Variants in SGCZ observed in about 807,000 individuals in gnomAD.
SGCZ encodes the protein zeta-sarcoglycan.
A neutral mutation model predicts 41.3 loss-of-function variants in SGCZ; 40 were observed. That is an observed-to-expected ratio of 0.97 (90% CI 0.75 to 1.26). SGCZ has a LOEUF of 1.26. SGCZ is among the 50% of genes most tolerant of loss of function. The pLI, the probability that SGCZ is intolerant of heterozygous loss-of-function variation, is 0.00. For missense variants in SGCZ, 552 were observed against 369.8 expected (o/e 1.49, Z -4.04); for synonymous variants, 206 against 137.5 (o/e 1.50, Z -3.49).
intron 1 of SGCZ, among the ~76,000 whole-genome samples, chr8:14,924,567 T>A (rs1799687415): frequency 6.6e-6 from 1 of 152,110 alleles, no homozygotes; most frequent in South Asian, 2.1e-4. Flanking sequence ...CCTATTTACA[T>A]CAGAAGCTTA....
chr8:14,420,742 T>C (rs1423020019), intron 2 of SGCZ, among the ~76,000 whole-genome samples: 1 of 152,148 alleles, frequency 6.6e-6, no homozygotes, highest in Non-Finnish European at 1.5e-5. Flanking sequence ...CCCAGGTTCC[T>C]AGTTGAGTAT....
chr8:14,832,137 A>T lies in SGCZ; in HGVS notation c.40-277211T>A, dbSNP rs137963573. Among the ~76,000 whole-genome samples the T allele has an allele frequency of 3.5e-3, 535 of 152,296 alleles. 5 individuals are homozygous for T. The highest frequency in any genetic ancestry group is 0.012 in the African/African-American group (513 of 41,570). On this transcript the variant is annotated intron_variant, in intron 1 of 7. Transcript: ENST00000382080. ...TCTTAAGTCACTATTGAAGTGCATA[A>T]TAATTTCCCTTTTTAAGGCATTTGC...
intron 1 of SGCZ, among the ~76,000 whole-genome samples, chr8:15,117,373 T>C (rs957240348): frequency 6.6e-6 from 1 of 151,528 alleles, no homozygotes; most frequent in African/African-American, 2.4e-5. Flanking sequence ...AAAAAAAAAG[T>C]ATAAATGTAT....
intron 1 of SGCZ, among the ~76,000 whole-genome samples, chr8:15,111,921 C>G (rs1473640533): frequency 6.6e-6 from 1 of 151,702 alleles, no homozygotes; most frequent in Non-Finnish European, 1.5e-5. Flanking sequence ...AAAAATCCCT[C>G]CTTTCAGTGT....
chr8:14,166,915 C>T (rs1307546999), intron 4 of SGCZ, among the ~76,000 whole-genome samples: 2 of 151,668 alleles, frequency 1.3e-5, no homozygotes, highest in African/African-American at 4.8e-5. Context: ...GCATCTAAGC[C>T]ATAAATAAAT....
intron 1 of SGCZ, among the ~76,000 whole-genome samples, chr8:15,148,392 T>C (rs765736964): frequency 6.6e-6 from 1 of 152,166 alleles, no homozygotes; most frequent in Non-Finnish European, 1.5e-5. Context: ...TGATTTTTGC[T>C]CATTTGCTGC....
intron 1 of SGCZ, among the ~76,000 whole-genome samples, chr8:14,931,625 T>A (rs1436768097): frequency 1.3e-5 from 2 of 152,144 alleles, no homozygotes; most frequent in Middle Eastern, 3.4e-3. Flanking sequence ...ATTTAGATAA[T>A]TTTCAGATAT....
chr8:15,097,180 C>T (rs1390076839), intron 1 of SGCZ, among the ~76,000 whole-genome samples: 8 of 152,128 alleles, frequency 5.3e-5, no homozygotes, highest in African/African-American at 1.9e-4. Context: ...GCCCATAAGT[C>T]TTGTACCCTA....
At chr8:15,159,317 C>A (rs1398070864) in intron 1 of SGCZ, among the ~76,000 whole-genome samples, 1 of 148,742 alleles carries the variant, frequency 6.7e-6, no homozygotes, top group Non-Finnish European at 1.5e-5. Context: ...TTTCTAGTAT[C>A]CTTTATAAGA....
chr8:14,197,335 A>G (rs1433886462), intron 4 of SGCZ, among the ~76,000 whole-genome samples: 1 of 152,108 alleles, frequency 6.6e-6, no homozygotes, highest in African/African-American at 2.4e-5. Context: ...CACAGCTACA[A>G]CAAGAAGGTA....
chr8:15,100,975 C>CA lies in SGCZ; in HGVS notation c.39+136609dup, dbSNP rs113108237. Among the ~76,000 whole-genome samples, 447 of 129,430 alleles carry CA rather than the reference C, an allele frequency of 3.5e-3. 1 individual carries two copies. The highest frequency in any genetic ancestry group is 4.2e-3 in the African/African-American group (147 of 35,360). The allele number at this position is 129,430 out of a possible 152,430, so 84.9% of individuals were successfully genotyped here. On this transcript the variant is annotated intron_variant, in intron 1 of 7. Transcript: ENST00000382080. Reference sequence around the variant, plus strand: ...CAGCTGACAGAGTGAGACCATGTCTCAAAAAAAAAAAAATACTCTTTACCC... The same window carrying CA: ...CAGCTGACAGAGTGAGACCATGTCTCAAAAAAAAAAAAAATACTCTTTACCC...
intron 1 of SGCZ, among the ~76,000 whole-genome samples, chr8:14,626,123 C>T (rs190885000): frequency 9.2e-5 from 14 of 152,034 alleles, no homozygotes; most frequent in Admixed American, 3.9e-4. Context: ...ATCTTCTTTG[C>T]TATCTCTCAG....
chr8:14,664,205 T>G (rs1022058242), intron 1 of SGCZ, among the ~76,000 whole-genome samples: 1 of 152,178 alleles, frequency 6.6e-6, no homozygotes, highest in Non-Finnish European at 1.5e-5. Context: ...GAACTTAGAA[T>G]TAAACATTTT....
chr8:14,117,438 G>A (rs535606749), intron 5 of SGCZ, among the ~76,000 whole-genome samples: 1 of 149,276 alleles, frequency 6.7e-6, no homozygotes, highest in African/African-American at 2.5e-5. Flanking sequence ...GTGTGTGTGT[G>A]TGTGAATGCA....
intron 1 of SGCZ, among the ~76,000 whole-genome samples, chr8:14,820,465 G>C (rs902205951): frequency 1.3e-5 from 2 of 151,918 alleles, no homozygotes; most frequent in Non-Finnish European, 2.9e-5. Flanking sequence ...AGAAAAATTG[G>C]AATTAAATTG....
chr8:14,375,376 A>G (rs1393083555), intron 2 of SGCZ, among the ~76,000 whole-genome samples: 1 of 152,206 alleles, frequency 6.6e-6, no homozygotes, highest in Non-Finnish European at 1.5e-5. Flanking sequence ...GTGGCCAAAA[A>G]TATATGTGAG....
intron 1 of SGCZ, among the ~76,000 whole-genome samples, chr8:14,872,341 A>C (rs1234536125): frequency 1.3e-5 from 2 of 152,094 alleles, no homozygotes; most frequent in African/African-American, 2.4e-5. Flanking sequence ...ATAGAAATAT[A>C]AGCTATCTGT....
rs538537942 is a variant in SGCZ at position 14,867,463 on chromosome 8, C to T, written c.40-312537G>A. ...AATGATTTATATTCCTTTGGGCATA[C>T]GTCCAGTAGCAGGATTGCTGGGTAG... On this transcript the variant is annotated intron_variant, in intron 1 of 7. Coordinates refer to ENST00000382080, the MANE Select transcript of SGCZ (RefSeq NM_139167.4). Among the ~76,000 whole-genome samples the T allele has an allele frequency of 1.1e-3, 162 of 152,188 alleles. 2 individuals carry two copies. Among genetic ancestry groups the T allele is most frequent in the Non-Finnish European group, 2.0e-3 (138 of 67,998 alleles).
At chr8:14,211,273 G>A (rs944155474) in intron 4 of SGCZ, among the ~76,000 whole-genome samples, 6 of 152,004 alleles carry the variant, frequency 3.9e-5, no homozygotes, top group African/African-American at 9.7e-5. Context: ...CCCAGTGTCC[G>A]GGTACTGCAG....
Sources: allele counts gnomAD v4.1 joint callset (sites outside exome capture counted in the v4.1 genomes callset), GRCh38; gene constraint gnomAD v4.1.1; transcripts MANE v1.5; gene names NCBI Gene and HGNC (gene_info 2026-07-23, HGNC 2026-07-21).